KCNQ5: variants seen among roughly 807,000 people sequenced by gnomAD.
KCNQ5 encodes potassium voltage-gated channel subfamily Q member 5.
In KCNQ5, 30 loss-of-function variants were observed where a neutral mutation model predicts 98.2. That is an observed-to-expected ratio of 0.31 (90% confidence interval 0.23 to 0.41). The LOEUF (loss-of-function observed/expected upper bound fraction) is 0.41. Ranked by LOEUF, KCNQ5 falls within the 10% of genes least tolerant of loss-of-function variation. The pLI, the probability that KCNQ5 is intolerant of heterozygous loss-of-function variation, is 1.00. For missense variants in KCNQ5, 835 were observed against 1,182.5 expected (o/e 0.71, Z 4.31); for synonymous variants, 458 against 449.4 (o/e 1.02, Z -0.24).
At chr6:72,830,121 A>G (rs993273062) in intron 1 of KCNQ5, among the ~76,000 whole-genome samples, 3 of 152,166 alleles carry the variant, frequency 2.0e-5, no homozygotes, top group Non-Finnish European at 4.4e-5. Flanking sequence ...ATGCTCATGG[A>G]TAGGAAGAAT....
chr6:73,186,555 A>G (rs143392990), intron 11 of KCNQ5, among the ~76,000 whole-genome samples: 1 of 152,336 alleles, frequency 6.6e-6, no homozygotes, highest in Non-Finnish European at 1.5e-5. Flanking sequence ...CAAACTACCA[A>G]TGTGACATCA....
intron 9 of KCNQ5, among the ~76,000 whole-genome samples, chr6:73,130,469 A>G (rs1776185021): frequency 6.6e-6 from 1 of 152,108 alleles, no homozygotes; most frequent in African/African-American, 2.4e-5. Flanking sequence ...ATCAATGACC[A>G]CAGCAATTTT....
intron 1 of KCNQ5, among the ~76,000 whole-genome samples, chr6:72,949,784 C>T (rs1369699007): frequency 6.6e-6 from 1 of 152,126 alleles, no homozygotes; most frequent in Non-Finnish European, 1.5e-5. Context: ...CTAGCTGCTG[C>T]TCCCACAAAA....
At chr6:72,753,244 T>C (rs1771775514) in intron 1 of KCNQ5, among the ~76,000 whole-genome samples, 1 of 152,122 alleles carries the variant, frequency 6.6e-6, no homozygotes, top group African/African-American at 2.4e-5. Context: ...CTTGGCATAA[T>C]GCTTTTAAGA....
At chr6:73,024,320 C>T (rs116072933) in intron 2 of KCNQ5, among the ~76,000 whole-genome samples, 2,574 of 118,580 alleles carry the variant, frequency 0.022, 26 homozygotes, top group Middle Eastern at 0.08. Flanking sequence ...CCTTAGGTTA[C>T]CCACATATGT....
chr6:72,876,042 C>T (rs565416091), intron 1 of KCNQ5, among the ~76,000 whole-genome samples: 1 of 151,874 alleles, frequency 6.6e-6, no homozygotes, highest in African/African-American at 2.4e-5. Flanking sequence ...TTCACTTAAC[C>T]TAGTCAATTG....
intron 1 of KCNQ5, among the ~76,000 whole-genome samples, chr6:72,888,976 A>G (rs1466956460): frequency 1.3e-5 from 2 of 152,146 alleles, no homozygotes; most frequent in Admixed American, 6.5e-5. Context: ...TTGTATATGT[A>G]TAGGAAGATA....
intron 1 of KCNQ5, among the ~76,000 whole-genome samples, chr6:72,981,810 C>T (rs1768470816): frequency 6.6e-6 from 1 of 152,190 alleles, no homozygotes; most frequent in Non-Finnish European, 1.5e-5. Context: ...CTATAAATTT[C>T]CCTCTACACA....
intron 1 of KCNQ5, among the ~76,000 whole-genome samples, chr6:72,990,342 G>A (rs1256832609): frequency 7.0e-5 from 3 of 42,554 alleles, no homozygotes; most frequent in Admixed American, 5.9e-4. Flanking sequence ...TTGAGCAGTG[G>A]TTTGTAGTTC....
intron 3 of KCNQ5, among the ~76,000 whole-genome samples, chr6:73,072,662 A>G (rs1318740776): frequency 1.3e-5 from 2 of 152,228 alleles, no homozygotes; most frequent in African/African-American, 4.8e-5. Flanking sequence ...AAATATCATT[A>G]TGGTATTTAT....
chr6:73,175,314 C>T (rs1228710599), intron 11 of KCNQ5, among the ~76,000 whole-genome samples: 4 of 152,070 alleles, frequency 2.6e-5, no homozygotes, highest in Admixed American at 6.5e-5. Context: ...CCATGACTGG[C>T]TAATTTTGTA....
chr6:72,687,652 T>A (rs1226224695), intron 1 of KCNQ5, among the ~76,000 whole-genome samples: 1 of 152,160 alleles, frequency 6.6e-6, no homozygotes, highest in Admixed American at 6.5e-5. Flanking sequence ...GTAAAGTAAG[T>A]TTAGGAAAGT....
intron 1 of KCNQ5, among the ~76,000 whole-genome samples, chr6:72,891,278 GAA>G (rs1779047172): frequency 6.6e-6 from 1 of 152,156 alleles, no homozygotes; most frequent in Non-Finnish European, 1.5e-5. Flanking sequence ...AATCTAACAT[GAA>G]AGTCTTCAGA....
At chr6:73,001,018 C>T (rs75123705) in intron 1 of KCNQ5, among the ~76,000 whole-genome samples, 13,521 of 152,226 alleles carry the variant, frequency 0.089, 730 homozygotes, top group Middle Eastern at 0.17. Context: ...AATAGTTTGC[C>T]TCATTCATTT....
At chr6:73,157,882 T>C in intron 10 of KCNQ5, 3 of 777,946 alleles carry the variant, frequency 3.9e-6, no homozygotes, top group Admixed American at 3.4e-5. Context: ...GCGAATATCG[T>C]TCAGCGCATT....
At chr6:73,142,355 C>G (rs1776756474) in intron 10 of KCNQ5, among the ~76,000 whole-genome samples, 1 of 152,152 alleles carries the variant, frequency 6.6e-6, no homozygotes, top group Non-Finnish European at 1.5e-5. Context: ...CAGATTTCAA[C>G]CAGTCCCTAT....
At chr6:72,764,072 A>C (rs1254036072) in intron 1 of KCNQ5, among the ~76,000 whole-genome samples, 1 of 151,994 alleles carries the variant, frequency 6.6e-6, no homozygotes, top group Non-Finnish European at 1.5e-5. Flanking sequence ...ACCAAGAATA[A>C]GGAAAGAAAA....
At chr6:72,752,844 CAG>C (rs1165936954) in intron 1 of KCNQ5, among the ~76,000 whole-genome samples, 1 of 152,034 alleles carries the variant, frequency 6.6e-6, no homozygotes, top group African/African-American at 2.4e-5. Context: ...TTATTAGAAA[CAG>C]GGCATAGTGG....
At chr6:73,166,662 G>C (rs375412338) in intron 10 of KCNQ5, among the ~76,000 whole-genome samples, 1 of 152,164 alleles carries the variant, frequency 6.6e-6, no homozygotes, top group Non-Finnish European at 1.5e-5. Context: ...AAGCACAGAA[G>C]TGTATTATCT....
Sources: allele counts gnomAD v4.1 joint callset (sites outside exome capture counted in the v4.1 genomes callset), GRCh38; gene constraint gnomAD v4.1.1; transcripts MANE v1.5; gene names NCBI Gene and HGNC (gene_info 2026-07-23, HGNC 2026-07-21).